The following OGFOD1 variants were observed in gnomAD, a reference collection of about 807,000 sequenced individuals.
The protein encoded by OGFOD1 is prolyl 3-hydroxylase OGFOD1.
In OGFOD1, 54 loss-of-function variants were observed where a neutral mutation model predicts 67.7. That is an observed-to-expected ratio of 0.80 (90% CI 0.64 to 1.00). The LOEUF is 1.00. Among genes scored for constraint, OGFOD1 ranks in the 50% least tolerant of loss-of-function variants. The pLI is 0.00. For missense variants in OGFOD1, 606 were observed against 646.7 expected, an observed-to-expected ratio of 0.94 and a Z score of 0.68; for synonymous variants, 221 against 227.0, an observed-to-expected ratio of 0.97 and a Z score of 0.24.
At chr16:56,451,544 G>T (rs1408832137), upstream of OGFOD1, 2 of 1,533,284 alleles carry the variant, frequency 1.3e-6, no homozygotes, top group South Asian at 1.1e-5. Context: ...GGGACATGCC[G>T]GGAGTTGCAG....
Position 56,470,771 on chromosome 16 carries a change from A to G in OGFOD1, c.1265A>G (p.Glu422Gly). 1 of 1,596,786 alleles carries G rather than the reference A, an allele frequency of 6.3e-7. No individual in the cohort carries two copies. Among genetic ancestry groups the G allele is most frequent in the Non-Finnish European group, 8.5e-7 (1 of 1,172,742 alleles). ...QSNEQTDPEPEENETKKESSV... is the reference protein window; with the variant it reads ...QSNEQTDPEPGENETKKESSV... ...AATGAGCAGACAGACCCAGAGCCAG[A>G]GGAAAATGAAACAAAGAAAGGTAAG... Residue 422 changes from glutamate (E) to glycine (G), a missense_variant, in exon 10 of 13, where the codon GAG (glutamate) becomes GGG (glycine). Glu to Gly is a moderately conservative substitution (Grantham distance 98). Coordinates refer to ENST00000566157, the MANE Select transcript of OGFOD1 (RefSeq NM_018233.4).
At chr16:56,462,375 T>C (rs1396985265) in intron 3 of OGFOD1, among the ~76,000 whole-genome samples, 159 bp from the exon 4 acceptor site, 2 of 152,212 alleles carry the variant, frequency 1.3e-5, no homozygotes, top group African/African-American at 4.8e-5. Context: ...AAATTTGAAC[T>C]GAGAAACATT....
rs770870516 is a variant in OGFOD1 at position 56,462,659 on chromosome 16, C to T, written c.448+25C>T. The T allele has an allele frequency of 8.8e-6, 12 of 1,365,880 alleles. No individual in the cohort carries two copies. The East Asian group carries it at 2.5e-4, about 29-fold the overall frequency. The allele number at this position is 1,365,880 out of a possible 1,614,324, so 84.6% of individuals were successfully genotyped here. On this transcript the variant is annotated intron_variant, in intron 4 of 12. Transcript: ENST00000566157. ...GGTAAGGAAGATAAAGGCCTGGTGT[C>T]TGTAAGATATAAAGGCTTTAACTCA...
At chr16:56,475,590 A>G in intron 12 of OGFOD1, 25 bp downstream of exon 12, 1 of 1,606,306 alleles carries the variant, frequency 6.2e-7, no homozygotes, top group Non-Finnish European at 8.5e-7. Flanking sequence ...ATAGCAAACT[A>G]TCATTTTTAG....
chr16:56,464,379 C>G (rs1189491007), intron 4 of OGFOD1, among the ~76,000 whole-genome samples: 1 of 152,062 alleles, frequency 6.6e-6, no homozygotes, highest in African/African-American at 2.4e-5. Context: ...TGGGGAGATA[C>G]TTTAAGATTA....
intron 2 of OGFOD1, among the ~76,000 whole-genome samples, chr16:56,454,278 G>C (rs537894836): frequency 6.6e-6 from 1 of 152,148 alleles, no homozygotes; most frequent in Admixed American, 6.5e-5. Context: ...AACCCAGGAG[G>C]TGGAGGTTGC....
At position 56,476,122 on chromosome 16, in the gene OGFOD1, A is replaced by G. The variant is rs776071908; in HGVS notation, c.1546A>G (p.Ile516Val). The G allele has an allele frequency of 2.5e-6, 4 of 1,614,010 alleles. No individual in the cohort carries two copies. The South Asian group carries it at 4.4e-5, about 18-fold the overall frequency. Residue 516 changes from isoleucine to valine, a missense_variant, in exon 13 of 13, where the codon ATT (isoleucine) becomes GTT (valine). By Grantham distance (29) the Ile-to-Val change is conservative (BLOSUM62 3). Coordinates refer to ENST00000566157, the MANE Select transcript of OGFOD1 (RefSeq NM_018233.4). ...AGAGACTCTGAAATTTGTCAAGCAT[A>G]TTAACCACCGAAGCCTGGAACAAAA... ...DRETLKFVKH[I>V]NHRSLEQKKT...
At chr16:56,458,839 G>A (rs1293682978) in intron 3 of OGFOD1, 1 of 475,930 alleles carries the variant, frequency 2.1e-6, no homozygotes, top group Non-Finnish European at 3.8e-6. Context: ...AATCTTGTTA[G>A]TAATCAAGGA....
At chr16:56,473,323 A>C (rs1381757633) in intron 10 of OGFOD1, among the ~76,000 whole-genome samples, 3 of 152,202 alleles carry the variant, frequency 2.0e-5, no homozygotes, top group Non-Finnish European at 4.4e-5. Context: ...TTTGAAAAAC[A>C]CCGTTCTCTA....
In OGFOD1 at chr16:56,470,651, C is replaced by CA. The variant is rs760011319; in HGVS notation, c.1146dup (p.Glu383ArgfsTer4). ...GATGAGATGAATGATAAAAAAGAGG[C>CA]AGAAACCACTGATATCACTGAAGAA... On this transcript the variant is annotated frameshift_variant, in exon 10 of 13. Coordinates refer to ENST00000566157, the MANE Select transcript of OGFOD1 (RefSeq NM_018233.4). LOFTEE classifies it high-confidence loss of function. The CA allele has an allele frequency of 6.2e-7, 1 of 1,614,138 alleles. No homozygotes were observed. The highest frequency in any genetic ancestry group is 8.5e-7 in the Non-Finnish European group (1 of 1,180,030).
chr16:56,458,504 T>TA, intron 2 of OGFOD1, 44 bp from the exon 3 acceptor site: 1 of 1,559,722 alleles, frequency 6.4e-7, no homozygotes, highest in Non-Finnish European at 8.8e-7. Context: ...GTGTGTCTCT[T>TA]ATGTGAAGGA....
At chr16:56,457,034 C>G (rs898584732) in intron 2 of OGFOD1, among the ~76,000 whole-genome samples, 1 of 152,192 alleles carries the variant, frequency 6.6e-6, no homozygotes, top group Non-Finnish European at 1.5e-5. Flanking sequence ...TCTACTGTCA[C>G]CTGCTTAGAC....
chr16:56,453,365 T>C lies in OGFOD1; in HGVS notation c.257T>C (p.Leu86Ser). 1 of 1,613,904 alleles carries C rather than the reference T, an allele frequency of 6.2e-7. No homozygotes were observed. Among genetic ancestry groups the C allele is most frequent in the Non-Finnish European group, 8.5e-7 (1 of 1,179,926 alleles). Reference sequence around the variant, plus strand: ...GGGCTTCAGAAGGAACTGATGAACTTGGACTTCCATGAGAAGTATAATGAT... The same window carrying C: ...GGGCTTCAGAAGGAACTGATGAACTCGGACTTCCATGAGAAGTATAATGAT... ...LEGLQKELMN[L>S]DFHEKYNDLY... The change falls in exon 2 of 13, where the codon TTG (leucine) becomes TCG (serine). Residue 86 changes from leucine to serine, a missense_variant. Coordinates refer to ENST00000566157, the MANE Select transcript of OGFOD1 (RefSeq NM_018233.4).
At chr16:56,467,044 C>G in intron 6 of OGFOD1, 77 bp downstream of exon 6, 1 of 1,534,876 alleles carries the variant, frequency 6.5e-7, no homozygotes, top group Non-Finnish European at 9.0e-7. Flanking sequence ...TGACAGCTTC[C>G]TGTTAGACTT....
Position 56,451,633 on chromosome 16 carries a change from G to C in OGFOD1, c.21G>C (p.Ala7=). MNGKRP[A]EPGPARVGKK... is the part of the protein sequence containing the mutation. ...AAGAGATGAATGGGAAGCGGCCAGC[G>C]GAGCCCGGCCCAGCCCGGGTGGGAA... is the stretch of plus-strand genomic sequence containing the variant. The change falls in exon 1 of 13, where the codon GCG becomes GCC. Residue 7 remains alanine, a synonymous_variant. Transcript: ENST00000566157. The C allele has an allele frequency of 6.2e-7, 1 of 1,613,904 alleles. No individual in the cohort carries two copies. Among genetic ancestry groups the C allele is most frequent in the Non-Finnish European group, 8.5e-7 (1 of 1,180,004 alleles).
intron 2 of OGFOD1, 115 bp downstream of exon 2, chr16:56,453,523 C>A: frequency 1.0e-6 from 1 of 966,196 alleles, no homozygotes; most frequent in Non-Finnish European, 1.5e-6. Flanking sequence ...ACAGTCCTTG[C>A]ATTGACATTC....
At chr16:56,470,122 C>T (rs1487007568) in intron 9 of OGFOD1, 40 bp downstream of exon 9, 1 of 1,547,938 alleles carries the variant, frequency 6.5e-7, no homozygotes, top group Admixed American at 1.7e-5. Context: ...CTACATTCAG[C>T]ACCTATAACA....
intron 2 of OGFOD1, among the ~76,000 whole-genome samples, chr16:56,456,724 T>G (rs1354556022): frequency 6.6e-6 from 1 of 152,252 alleles, no homozygotes; most frequent in East Asian, 1.9e-4. Context: ...TCCTATTGTA[T>G]TGTCTATAGT....
At chr16:56,467,376 T>A in intron 7 of OGFOD1, 83 bp downstream of exon 7, 3 of 1,465,866 alleles carry the variant, frequency 2.0e-6, no homozygotes, top group Non-Finnish European at 2.8e-6. Flanking sequence ...CTGTTCCATT[T>A]AATGAAACTG....
Sources: gnomAD v4.1 joint callset for allele counts (sites outside exome capture counted in the v4.1 genomes callset) on GRCh38, gnomAD v4.1.1 for gene constraint, MANE v1.5 for transcripts, NCBI Gene and HGNC (gene_info 2026-07-23, HGNC 2026-07-21) for gene names.